The following ZNF680 variants were observed in gnomAD, a reference collection of about 807,000 sequenced individuals.
The protein encoded by ZNF680 is zinc finger protein 680.
Under a neutral mutation model 12.1 loss-of-function variants are expected in ZNF680, and 6 were observed. The observed-to-expected ratio is 0.49, with a 90% confidence interval of 0.27 to 0.98. The LOEUF is 0.98. Ranked by LOEUF, ZNF680 falls within the 50% of genes least tolerant of loss-of-function variation. The pLI, the probability that ZNF680 is intolerant of heterozygous loss-of-function variation, is 0.12. For missense variants in ZNF680, 561 were observed against 616.3 expected, an observed-to-expected ratio of 0.91 and a Z score of 0.95; for synonymous variants, 170 against 199.3, an observed-to-expected ratio of 0.85 and a Z score of 1.24.
At position 64,544,367 on chromosome 7, in the gene ZNF680, A is replaced by C; in HGVS notation, c.96T>G (p.Thr32=). The C allele has an allele frequency of 6.2e-7, 1 of 1,603,720 alleles. No homozygotes were observed. Among genetic ancestry groups the C allele is most frequent in the Non-Finnish European group, 8.5e-7 (1 of 1,173,586 alleles). ...CTTTCCTATATAAATTCCGTTGTGC[A>C]GTGTCCAGGCATTGCCACTCCTCCA... ...FSLEEWQCLD[T]AQRNLYRKVM... is the part of the protein sequence containing the mutation. Residue 32 remains threonine, a synonymous_variant, in exon 2 of 4, where the codon ACT becomes ACG. Coordinates refer to ENST00000309683, the MANE Select transcript of ZNF680 (RefSeq NM_178558.5).
At position 64,522,195 on chromosome 7, in the gene ZNF680, A is replaced by G. The variant is rs375747442; in HGVS notation, c.559T>C (p.Cys187Arg). The change falls in exon 4 of 4, where the codon TGT becomes CGT. Residue 187 changes from cysteine (C) to arginine (R), a missense_variant. By Grantham distance (180) the Cys-to-Arg change is radical. Coordinates refer to ENST00000309683, the MANE Select transcript of ZNF680 (RefSeq NM_178558.5). ...TGKKVFKCKECGKSFCMLSHL... is the reference protein window; with the variant it reads ...TGKKVFKCKERGKSFCMLSHL... ...GAAAGCATGCAAAATGATTTGCCACATTCTTTACATTTGAAAACCTTCTTT... is the reference window on the plus strand; with the variant it reads ...GAAAGCATGCAAAATGATTTGCCACGTTCTTTACATTTGAAAACCTTCTTT... 1 of 1,612,584 alleles carries G rather than the reference A, an allele frequency of 6.2e-7. No individual in the cohort carries two copies. Among genetic ancestry groups the G allele is most frequent in the Admixed American group, 1.7e-5 (1 of 59,850 alleles).
At position 64,524,078 on chromosome 7, in the gene ZNF680, A is replaced by G. The variant is rs1239363492; in HGVS notation, c.254-1578T>C. On this transcript the variant is annotated intron_variant, in intron 3 of 3. Transcript: ENST00000309683. Reference sequence around the variant, plus strand: ...GAGGTCAAAATATTACACAAAATACATCTTAAGTCAAAAACTGTCATATTT... The same window carrying G: ...GAGGTCAAAATATTACACAAAATACGTCTTAAGTCAAAAACTGTCATATTT... Among the ~76,000 whole-genome samples the G allele has an allele frequency of 5.3e-5, 8 of 152,188 alleles. No homozygotes were observed. The East Asian group carries it at 1.5e-3, about 29-fold the overall frequency.
intron 1 of ZNF680, among the ~76,000 whole-genome samples, chr7:64,549,962 G>A (rs764291749): frequency 2.6e-5 from 4 of 152,066 alleles, no homozygotes; most frequent in Non-Finnish European, 5.9e-5. Flanking sequence ...CAGCCTGGGC[G>A]ACAAGAACAA....
At chr7:64,529,002 C>T (rs1785715762) in intron 3 of ZNF680, among the ~76,000 whole-genome samples, 1 of 152,184 alleles carries the variant, frequency 6.6e-6, no homozygotes, top group East Asian at 1.9e-4. Flanking sequence ...ACACAGAACT[C>T]CGGGCAGACA....
At chr7:64,518,846 G>C (rs2116342414), downstream of ZNF680, among the ~76,000 whole-genome samples, 1 of 152,044 alleles carries the variant, frequency 6.6e-6, no homozygotes, top group South Asian at 2.1e-4. Flanking sequence ...ATAAACTCAA[G>C]ATAGACATAA....
downstream of ZNF680, among the ~76,000 whole-genome samples, chr7:64,518,916 T>A (rs907677723): frequency 2.6e-5 from 4 of 152,056 alleles, no homozygotes; most frequent in African/African-American, 9.7e-5. Context: ...GAAAAACGTT[T>A]CTAGACATTT....
At chr7:64,547,056 C>T (rs576816270) in intron 1 of ZNF680, among the ~76,000 whole-genome samples, 1 of 152,042 alleles carries the variant, frequency 6.6e-6, no homozygotes, top group East Asian at 1.9e-4. Context: ...TTTAAATTGG[C>T]CATGTAATCC....
chr7:64,501,722 A>C, the ZNF680 span: 1 of 992,630 alleles, frequency 1.0e-6, no homozygotes, highest in Non-Finnish European at 1.6e-6. Context: ...GGCAAAAATG[A>C]CTCTTAAGCA....
chr7:64,502,476 C>T, the ZNF680 span, among the ~76,000 whole-genome samples: 1 of 152,060 alleles, frequency 6.6e-6, no homozygotes, highest in Non-Finnish European at 1.5e-5. Context: ...TGTTACACCC[C>T]CACATAGGTG....
At chr7:64,529,682 T>C (rs142841566) in intron 3 of ZNF680, among the ~76,000 whole-genome samples, 1 of 152,100 alleles carries the variant, frequency 6.6e-6, no homozygotes. Flanking sequence ...TAATTGGCAT[T>C]TGTGAGAAAG....
At chr7:64,510,011 A>G in the ZNF680 span, among the ~76,000 whole-genome samples, 1 of 142,324 alleles carries the variant, frequency 7.0e-6, no homozygotes, top group Admixed American at 7.6e-5. Context: ...AGCTCCTTTA[A>G]CCGTAAAACT....
At chr7:64,539,428 A>C (rs1786381515) in intron 3 of ZNF680, among the ~76,000 whole-genome samples, 1 of 151,012 alleles carries the variant, frequency 6.6e-6, no homozygotes, top group Non-Finnish European at 1.5e-5. Context: ...TATGTCACCT[A>C]AAATGAGCCA....
chr7:64,512,450 T>A, the ZNF680 span, among the ~76,000 whole-genome samples: 1 of 115,196 alleles, frequency 8.7e-6, no homozygotes, highest in South Asian at 2.7e-4. Flanking sequence ...CAAAACTCCG[T>A]CTCCAGCAAA....
chr7:64,553,833 C>T (rs1300354458), intron 1 of ZNF680, among the ~76,000 whole-genome samples: 1 of 152,194 alleles, frequency 6.6e-6, no homozygotes, highest in East Asian at 1.9e-4. Flanking sequence ...GTGATCTGCC[C>T]GCCACGGCCT....
chr7:64,520,839 C>A lies in ZNF680; in HGVS notation c.*322G>T. The stretch of plus-strand genomic sequence containing the variant: ...TCTTCACTTTAAAGTGTTATGTTTT[C>A]TGAAATTTCTTTTGACAGTAATTGC... On this transcript the variant is annotated 3_prime_UTR_variant, in exon 4 of 4. Transcript: ENST00000309683. The A allele has an allele frequency of 4.8e-6, 1 of 210,202 alleles. No homozygotes were observed. The highest frequency in any genetic ancestry group is 9.5e-6 in the Non-Finnish European group (1 of 105,070). The allele number at this position is 210,202 out of a possible 1,614,324, so 13.0% of individuals were successfully genotyped here.
At chr7:64,529,845 A>G (rs971538299) in intron 3 of ZNF680, among the ~76,000 whole-genome samples, 8 of 152,246 alleles carry the variant, frequency 5.3e-5, no homozygotes, top group African/African-American at 1.9e-4. Flanking sequence ...GCACACTGCC[A>G]TCAGGTTATC....
chr7:64,555,968 T>C (rs541324395), intron 1 of ZNF680, among the ~76,000 whole-genome samples: 7 of 151,878 alleles, frequency 4.6e-5, no homozygotes, highest in African/African-American at 1.7e-4. Context: ...GTAACATCTC[T>C]GAACATCAAC....
At chr7:64,553,927 G>A (rs1787232115) in intron 1 of ZNF680, among the ~76,000 whole-genome samples, 1 of 152,142 alleles carries the variant, frequency 6.6e-6, no homozygotes, top group African/African-American at 2.4e-5. Flanking sequence ...CGTGATCTCG[G>A]CTCGCTACAA....
downstream of ZNF680, among the ~76,000 whole-genome samples, chr7:64,516,868 T>C (rs140694336): frequency 1.7e-4 from 26 of 152,276 alleles, no homozygotes; most frequent in Non-Finnish European, 2.9e-4. Flanking sequence ...TGAATGATCA[T>C]TGGGTCAGCA....
Sources: gnomAD v4.1 joint callset for allele counts (sites outside exome capture counted in the v4.1 genomes callset) on GRCh38, gnomAD v4.1.1 for gene constraint, MANE v1.5 for transcripts, NCBI Gene and HGNC (gene_info 2026-07-23, HGNC 2026-07-21) for gene names.